KCNQ3: variants seen among roughly 807,000 people sequenced by gnomAD.
KCNQ3 encodes the protein potassium voltage-gated channel subfamily KQT member 3.
KCNQ3 carries 30 observed loss-of-function variants against 92.5 expected under a neutral mutation model. The observed-to-expected ratio is 0.32, with a 90% CI of 0.24 to 0.44. The LOEUF (loss-of-function observed/expected upper bound fraction) is 0.44. KCNQ3 is among the 20% of genes least tolerant of loss of function. KCNQ3 has a pLI of 1.00. For synonymous variants in KCNQ3, 450 were observed against 468.8 expected, an observed-to-expected ratio of 0.96 and a Z score of 0.52; for missense variants, 913 against 1,140.3, an observed-to-expected ratio of 0.80 and a Z score of 2.87.
rs1447909871 is a variant in KCNQ3, at chr8:132,296,617, C to T, written c.387-110436G>A. On this transcript the variant is annotated intron_variant, in intron 1 of 14. Transcript: ENST00000388996. Reference sequence around the variant, plus strand: ...ATGTGTTCCCATTGTTCAATTCCCACCTATGAGTGAGAATATGCGGTGTTT... The same window carrying T: ...ATGTGTTCCCATTGTTCAATTCCCATCTATGAGTGAGAATATGCGGTGTTT... Among the ~76,000 whole-genome samples, 8 of 151,884 alleles carry T rather than the reference C, an allele frequency of 5.3e-5. No individual in the cohort carries two copies. In the South Asian group the frequency reaches 1.7e-3, roughly 32 times the overall value.
intron 1 of KCNQ3, among the ~76,000 whole-genome samples, chr8:132,208,668 C>A (rs1160693888): frequency 6.6e-6 from 1 of 152,144 alleles, no homozygotes; most frequent in East Asian, 1.9e-4. Flanking sequence ...TTGCCACCAA[C>A]TTCCTGGGCG....
At chr8:132,359,130 G>T (rs1306920627) in intron 1 of KCNQ3, among the ~76,000 whole-genome samples, 3 of 152,126 alleles carry the variant, frequency 2.0e-5, no homozygotes, top group Non-Finnish European at 4.4e-5. Context: ...GTATAATTGG[G>T]AGGGTCAAAT....
chr8:132,478,764 T>C (rs1477281175), intron 1 of KCNQ3, among the ~76,000 whole-genome samples: 1 of 152,042 alleles, frequency 6.6e-6, no homozygotes, highest in Non-Finnish European at 1.5e-5. Flanking sequence ...CCGGGCTTGG[T>C]AACCTCCTTG....
chr8:132,191,520 C>A (rs1047569284), intron 1 of KCNQ3, among the ~76,000 whole-genome samples: 51 of 150,462 alleles, frequency 3.4e-4, no homozygotes, highest in African/African-American at 5.9e-4. Flanking sequence ...GTATCTCTCT[C>A]TCTATATATA....
intron 1 of KCNQ3, among the ~76,000 whole-genome samples, chr8:132,305,015 C>T (rs528706653): frequency 6.6e-6 from 1 of 152,218 alleles, no homozygotes; most frequent in Non-Finnish European, 1.5e-5. Context: ...TGCATTTGTT[C>T]CCCAGAGCCA....
At chr8:132,343,651 C>T (rs1200984956) in intron 1 of KCNQ3, among the ~76,000 whole-genome samples, 1 of 152,026 alleles carries the variant, frequency 6.6e-6, no homozygotes, top group East Asian at 1.9e-4. Flanking sequence ...CTGGTGGCTT[C>T]TTTAGGGACC....
intron 1 of KCNQ3, among the ~76,000 whole-genome samples, chr8:132,453,775 G>C (rs903817226): frequency 6.6e-6 from 1 of 152,172 alleles, no homozygotes; most frequent in Non-Finnish European, 1.5e-5. Flanking sequence ...TAAATGGCAA[G>C]GATGGTTGTG....
chr8:132,397,080 AT>A (rs763190281), intron 1 of KCNQ3, among the ~76,000 whole-genome samples: 3 of 152,024 alleles, frequency 2.0e-5, no homozygotes, highest in Non-Finnish European at 2.9e-5. Context: ...TGCATTTTTC[AT>A]TAAAAAACAC....
At chr8:132,274,708 A>C (rs1328499037) in intron 1 of KCNQ3, among the ~76,000 whole-genome samples, 1 of 152,240 alleles carries the variant, frequency 6.6e-6, no homozygotes, top group African/African-American at 2.4e-5. Context: ...CATGACCTTC[A>C]GTAGCAGAGA....
chr8:132,371,657 CTT>C lies in KCNQ3; in HGVS notation c.386+108488_386+108489del, dbSNP rs1235400520. 3.3e-5 allele frequency among the ~76,000 whole-genome samples: 5 copies of C among 152,306 alleles called. No homozygotes were observed. In the East Asian group the frequency reaches 5.8e-4, roughly 18 times the overall value. On this transcript the variant is annotated intron_variant, in intron 1 of 14. Transcript: ENST00000388996. ...ATCTTCAGAGGCAGGGAAGGCGATC[CTT>C]GTCTTTGTGCCAAGCTAGGACAACC...
At chr8:132,193,165 T>C (rs553175960) in intron 1 of KCNQ3, among the ~76,000 whole-genome samples, 67 of 152,262 alleles carry the variant, frequency 4.4e-4, no homozygotes, top group Middle Eastern at 3.4e-3. Flanking sequence ...GGAGAGCCAA[T>C]AGCAGCCTTC....
chr8:132,442,952 G>T (rs1027130487), intron 1 of KCNQ3, among the ~76,000 whole-genome samples: 3 of 152,124 alleles, frequency 2.0e-5, no homozygotes, highest in Non-Finnish European at 4.4e-5. Flanking sequence ...TCTGTGCTCA[G>T]ACACCCTATC....
intron 1 of KCNQ3, among the ~76,000 whole-genome samples, chr8:132,401,465 T>C (rs761749677): frequency 5.3e-5 from 8 of 151,810 alleles, no homozygotes; most frequent in Non-Finnish European, 8.8e-5. Context: ...AGCCTCCAAA[T>C]CCCTGGCTCA....
intron 1 of KCNQ3, among the ~76,000 whole-genome samples, chr8:132,467,931 G>T (rs1822211723): frequency 6.6e-6 from 1 of 152,072 alleles, no homozygotes; most frequent in African/African-American, 2.4e-5. Context: ...ACTTGGTTTG[G>T]GTCCTCCCCT....
At position 132,166,385 on chromosome 8, in the gene KCNQ3, C is replaced by G. The variant is rs190071719; in HGVS notation, c.1236-2891G>C. On this transcript the variant is annotated intron_variant, in intron 8 of 14. Transcript: ENST00000388996. ...TCTGATTTTTAACAGCTTCCCTCAT[C>G]CCTGCTTGTATATAAGAACGTATAA... Among the ~76,000 whole-genome samples the G allele has an allele frequency of 1.9e-4, 29 of 152,294 alleles. 1 individual carries two copies. In the Middle Eastern group the frequency reaches 0.014, roughly 71 times the overall value.
intron 1 of KCNQ3, among the ~76,000 whole-genome samples, chr8:132,201,906 C>T (rs887260453): frequency 9.2e-5 from 14 of 152,200 alleles, no homozygotes; most frequent in Non-Finnish European, 1.9e-4. Flanking sequence ...AGGCTATATG[C>T]AATATCCTTT....
intron 1 of KCNQ3, among the ~76,000 whole-genome samples, chr8:132,225,209 A>G (rs1814372249): frequency 1.3e-5 from 2 of 152,230 alleles, no homozygotes; most frequent in South Asian, 4.1e-4. Context: ...AATTAGCTTC[A>G]TAATTCTAAT....
At chr8:132,265,090 C>G (rs56044290) in intron 1 of KCNQ3, among the ~76,000 whole-genome samples, 79,586 of 151,420 alleles carry the variant, frequency 0.53, 22,598 homozygotes, top group East Asian at 0.77. Context: ...AAAAGGACTG[C>G]TAAAAAGGTA....
chr8:132,149,077 C>T (rs1991718), intron 9 of KCNQ3, among the ~76,000 whole-genome samples: 81,425 of 152,088 alleles, frequency 0.54, 22,129 homozygotes, highest in African/African-American at 0.6. Flanking sequence ...AAAGATTTGC[C>T]GTTCATGTAG....
Sources: gnomAD v4.1 joint callset for allele counts (sites outside exome capture counted in the v4.1 genomes callset) on GRCh38, gnomAD v4.1.1 for gene constraint, MANE v1.5 for transcripts, NCBI Gene and HGNC (gene_info 2026-07-23, HGNC 2026-07-21) for gene names.